UNC79: variants seen among roughly 807,000 people sequenced by gnomAD.
UNC79 encodes the protein protein unc-79 homolog.
In UNC79, 37 loss-of-function variants were observed where a neutral mutation model predicts 283.1. The observed-to-expected ratio is 0.13, with a 90% CI of 0.10 to 0.17. The LOEUF is 0.17. UNC79 is among the 10% of genes least tolerant of loss of function. The probability of loss-of-function intolerance (pLI) is 1.00; values close to 1 mark genes in which losing one functional copy is unlikely to be tolerated. For missense variants in UNC79, 2,272 were observed against 3,211.1 expected, an observed-to-expected ratio of 0.71 and a Z score of 7.07; for synonymous variants, 1,107 against 1,200.2, an observed-to-expected ratio of 0.92 and a Z score of 1.61.
intron 1 of UNC79, among the ~76,000 whole-genome samples, chr14:93,463,314 T>C (rs906275552): frequency 6.6e-6 from 1 of 151,872 alleles, no homozygotes; most frequent in African/African-American, 2.4e-5. Context: ...TTCAGTGCAG[T>C]GGTGGATGTG....
chr14:93,692,039 G>C, intron 46 of UNC79, 93 bp downstream of exon 49: 2 of 1,423,616 alleles, frequency 1.4e-6, no homozygotes, highest in South Asian at 2.4e-5. Flanking sequence ...ACAGATCTCA[G>C]TTGTAAGGTT....
chr14:93,603,093 G>T (rs1450539954), intron 25 of UNC79, 146 bp from the exon 26 acceptor site: 2 of 903,260 alleles, frequency 2.2e-6, no homozygotes, highest in Non-Finnish European at 3.3e-6. Context: ...ATTTTTGTAT[G>T]TAGGACTCAT....
At chr14:93,530,929 A>C (rs1376295409) in intron 10 of UNC79, among the ~76,000 whole-genome samples, 1 of 152,128 alleles carries the variant, frequency 6.6e-6, no homozygotes, top group African/African-American at 2.4e-5. Context: ...CAAAACAAAC[A>C]AACCCCAAAA....
At chr14:93,339,781 T>C (rs1595362730) in intron 1 of UNC79, among the ~76,000 whole-genome samples, 2 of 152,264 alleles carry the variant, frequency 1.3e-5, no homozygotes, top group East Asian at 1.9e-4. Flanking sequence ...TAACCCCTTT[T>C]ACTATTTTCT....
intron 14 of UNC79, among the ~76,000 whole-genome samples, chr14:93,547,384 A>AT (rs2061651514): frequency 7.8e-6 from 1 of 128,794 alleles, no homozygotes; most frequent in African/African-American, 2.9e-5. Flanking sequence ...ATCCTTTGAG[A>AT]TTTTCAAGCG....
chr14:93,642,468 G>A (rs944992243), intron 33 of UNC79, among the ~76,000 whole-genome samples: 3 of 151,768 alleles, frequency 2.0e-5, no homozygotes, highest in African/African-American at 7.3e-5. Context: ...GGTGGAAGGG[G>A]CTGATGTGAG....
chr14:93,704,777 C>T, intron 48 of UNC79, 111 bp downstream of exon 51: 4 of 1,376,364 alleles, frequency 2.9e-6, no homozygotes, highest in Non-Finnish European at 4.1e-6. Flanking sequence ...ATTCAACCTG[C>T]TCCTGGCCTT....
chr14:93,347,261 G>T, intron 1 of UNC79: 2 of 1,599,714 alleles, frequency 1.3e-6, no homozygotes, highest in Non-Finnish European at 8.5e-7. Context: ...TGTCTCACCT[G>T]ACGCGATATG....
intron 2 of UNC79, among the ~76,000 whole-genome samples, chr14:93,468,591 G>GT: frequency 6.6e-6 from 1 of 152,270 alleles, no homozygotes; most frequent in South Asian, 2.1e-4. Flanking sequence ...CAAAAATTTT[G>GT]TAAGACAGAT....
intron 47 of UNC79, among the ~76,000 whole-genome samples, chr14:93,696,550 G>A (rs1255416473): frequency 6.6e-6 from 1 of 151,996 alleles, no homozygotes; most frequent in Admixed American, 6.6e-5. Context: ...GTTTTAAATA[G>A]CATTTTCCTG....
chr14:93,488,939 C>T (rs917406969), intron 5 of UNC79, among the ~76,000 whole-genome samples: 1 of 152,158 alleles, frequency 6.6e-6, no homozygotes, highest in African/African-American at 2.4e-5. Context: ...GTTTAACATA[C>T]TAATTTAAAA....
intron 1 of UNC79, among the ~76,000 whole-genome samples, chr14:93,362,947 C>T (rs2054255822): frequency 6.6e-6 from 1 of 151,728 alleles, no homozygotes. Flanking sequence ...GTTTTTATGG[C>T]TTTTTGTGTC....
intron 39 of UNC79, among the ~76,000 whole-genome samples, chr14:93,660,561 ATATGTGTGTGTGTG>A (rs1247037580): frequency 6.1e-4 from 51 of 83,196 alleles, no homozygotes; most frequent in Non-Finnish European, 7.3e-4. Context: ...ATATATATAT[ATATGTGTGTGTGTG>A]TGTGTTCATT....
chr14:93,586,946 A>G (rs778434721), intron 22 of UNC79, 38 bp downstream of exon 22: 7 of 1,600,028 alleles, frequency 4.4e-6, no homozygotes, highest in Admixed American at 3.5e-5. Flanking sequence ...TTGTTTATAC[A>G]TTAGGCTTTA....
chr14:93,431,488 T>G (rs1231033705), intron 1 of UNC79, among the ~76,000 whole-genome samples: 2 of 151,798 alleles, frequency 1.3e-5, no homozygotes, highest in Non-Finnish European at 2.9e-5. Flanking sequence ...TTCTTGGTGC[T>G]GGAGCCATAG....
At chr14:93,583,623 G>T (rs2063984770) in intron 20 of UNC79, among the ~76,000 whole-genome samples, 1 of 152,164 alleles carries the variant, frequency 6.6e-6, no homozygotes, top group African/African-American at 2.4e-5. Context: ...GAGGTGAGCT[G>T]GTTCACTGGT....
At position 93,580,249 on chromosome 14, in the gene UNC79, G is replaced by A. The variant is rs765969402; in HGVS notation, c.2534G>A (p.Gly845Glu). Residue 845 changes from glycine (G) to glutamate (E), a missense_variant, in exon 19 of 49, where the codon GGA becomes GAA. This residue lies in a region of UNC79 where 356 missense variants were observed against 416.2 expected (regional missense o/e 0.86). Transcript: ENST00000555664. ...AATGTCTTCCAAGCCCCCTGGGGGG[G>A]ATCCCACACCTGCCAGAAGGACGAA... is the stretch of plus-strand genomic sequence containing the variant. The A allele has an allele frequency of 9.3e-6, 15 of 1,614,020 alleles. No homozygotes were observed. In the East Asian group the frequency reaches 2.9e-4, roughly 31 times the overall value.
intron 7 of UNC79, among the ~76,000 whole-genome samples, chr14:93,509,468 A>G (rs1340345403): frequency 1.3e-5 from 2 of 152,190 alleles, no homozygotes; most frequent in Non-Finnish European, 2.9e-5. Context: ...ATCCTGTAAA[A>G]TAAAAAACAA....
In UNC79 at chr14:93,690,043, C is replaced by G. The variant is rs2074566938; in HGVS notation, c.7086-74C>G. Reference sequence around the variant, plus strand: ...AGACCACACTTTCAATCCCTTCCTTCAATAAGCATTTGTTATGCACCCAAT... The same window carrying G: ...AGACCACACTTTCAATCCCTTCCTTGAATAAGCATTTGTTATGCACCCAAT... On this transcript the variant is annotated intron_variant, in intron 44 of 48. Transcript: ENST00000555664. The surrounding 1 kb of genome is among the most constrained non-coding windows in gnomAD (Gnocchi z 4.3). The G allele has an allele frequency of 1.3e-6, 2 of 1,507,484 alleles. No homozygotes were observed. Among genetic ancestry groups the G allele is most frequent in the African/African-American group, 2.7e-5 (2 of 72,738 alleles). The allele number at this position is 1,507,484 out of a possible 1,614,324, so 93.4% of individuals were successfully genotyped here.
Sources: allele counts gnomAD v4.1 joint callset (sites outside exome capture counted in the v4.1 genomes callset), GRCh38; gene constraint gnomAD v4.1.1; regional missense constraint gnomAD v4.1.1; non-coding constraint Gnocchi (gnomAD v3.1); transcripts MANE v1.5; gene names NCBI Gene and HGNC (gene_info 2026-07-23, HGNC 2026-07-21).